MLLT3: variants seen among roughly 807,000 people sequenced by gnomAD.
MLLT3 encodes the protein MLLT3 super elongation complex subunit, also known as protein AF-9.
A neutral mutation model predicts 53.2 loss-of-function variants in MLLT3; 4 were observed. The observed-to-expected ratio is 0.08, with a 90% CI of 0.04 to 0.17. MLLT3 has a LOEUF of 0.17. Among genes scored for constraint, MLLT3 ranks in the 10% least tolerant of loss-of-function variants. The probability of loss-of-function intolerance (pLI) is 1.00; values close to 1 mark genes in which losing one functional copy is unlikely to be tolerated. For synonymous variants in MLLT3, 283 were observed against 230.6 expected (o/e 1.23, Z -2.06); for missense variants, 569 against 684.0 (o/e 0.83, Z 1.87).
Position 20,448,069 on chromosome 9 carries a change from T to G in MLLT3, c.420+54A>C, listed in dbSNP as rs149053082. ...AGGAACTAGTTTGTTTGTTTTTTTT[T>G]TTGTTGTTGTTGTTTTTTAATAGGA... On this transcript the variant is annotated intron_variant, in intron 4 of 10. Coordinates refer to ENST00000380338, the MANE Select transcript of MLLT3 (RefSeq NM_004529.4). This position sits in a 1 kb window ranked among gnomAD's most constrained non-coding sequence, Gnocchi z 4.0. 5.3e-3 allele frequency: 8,213 copies of G among 1,556,342 alleles called. 47 individuals carry two copies. The highest frequency in any genetic ancestry group is 0.026 in the East Asian group (1,145 of 44,406).
chr9:20,413,945 T>A lies in MLLT3; in HGVS notation c.901A>T (p.Ser301Cys). 1 of 1,613,768 alleles carries A rather than the reference T, an allele frequency of 6.2e-7. No individual in the cohort carries two copies. ...EELSAKKRKK[S>C]SSEALFKSFS... ...CTTTTAAATAAAGCCTCTGAGCTAC[T>A]CTTTTTCCTTTTTTTGGCTGAGAGT... Residue 301 changes from serine to cysteine, a missense_variant, in exon 5 of 11, where the codon AGT becomes TGT. This residue lies in a region of MLLT3 where 437 missense variants were observed against 376.5 expected (regional missense o/e 1.16). Transcript: ENST00000380338.
At chr9:20,480,723 C>A (rs960408847) in intron 2 of MLLT3, among the ~76,000 whole-genome samples, 6 of 152,186 alleles carry the variant, frequency 3.9e-5, no homozygotes, top group Non-Finnish European at 7.4e-5. Context: ...AATGCACTGA[C>A]TCACCGAACA....
intron 4 of MLLT3, among the ~76,000 whole-genome samples, chr9:20,422,771 C>G (rs1419088554): frequency 6.6e-6 from 1 of 152,098 alleles, no homozygotes; most frequent in Non-Finnish European, 1.5e-5. Flanking sequence ...CACCTGAAAA[C>G]TTTAAAGAGG....
intron 2 of MLLT3, among the ~76,000 whole-genome samples, chr9:20,508,269 C>T (rs1447249971): frequency 6.6e-6 from 1 of 152,216 alleles, no homozygotes; most frequent in African/African-American, 2.4e-5. Flanking sequence ...TCTCACCCCA[C>T]ATTCCGCCCT....
chr9:20,546,980 C>A (rs1374082781), intron 2 of MLLT3, among the ~76,000 whole-genome samples: 1 of 152,174 alleles, frequency 6.6e-6, no homozygotes, highest in Non-Finnish European at 1.5e-5. Context: ...CTGGATTCTT[C>A]CCCGTATATA....
At chr9:20,470,754 A>C (rs1380332737) in intron 2 of MLLT3, among the ~76,000 whole-genome samples, 1 of 151,946 alleles carries the variant, frequency 6.6e-6, no homozygotes, top group African/African-American at 2.4e-5. Flanking sequence ...AGGGAGTAAT[A>C]AACTGAACAA....
intron 5 of MLLT3, among the ~76,000 whole-genome samples, chr9:20,373,926 T>C (rs1821685283): frequency 6.8e-6 from 1 of 147,370 alleles, no homozygotes; most frequent in Admixed American, 6.8e-5. Context: ...TCTCACAGTT[T>C]TGGTCCTTCT....
intron 2 of MLLT3, among the ~76,000 whole-genome samples, chr9:20,481,862 A>G (rs1178987057): frequency 1.3e-5 from 2 of 152,214 alleles, no homozygotes; most frequent in Non-Finnish European, 2.9e-5. Flanking sequence ...CTAGAAGAGG[A>G]ATACCTTACT....
At chr9:20,441,700 C>A (rs1823559862) in intron 4 of MLLT3, among the ~76,000 whole-genome samples, 1 of 152,018 alleles carries the variant, frequency 6.6e-6, no homozygotes, top group South Asian at 2.1e-4. Flanking sequence ...TTATATATAT[C>A]AGAAAATAAT....
intron 3 of MLLT3, among the ~76,000 whole-genome samples, chr9:20,453,156 T>A (rs1823877565): frequency 6.6e-6 from 1 of 152,196 alleles, no homozygotes; most frequent in Admixed American, 6.5e-5. Flanking sequence ...AATTCCTTTT[T>A]TAATTAAGAA....
intron 2 of MLLT3, among the ~76,000 whole-genome samples, chr9:20,492,045 T>C (rs1220481469): frequency 6.6e-6 from 1 of 152,116 alleles, no homozygotes; most frequent in Non-Finnish European, 1.5e-5. Flanking sequence ...ATAAAACATT[T>C]ATTAACCTAT....
chr9:20,467,503 G>A (rs1005783252), intron 2 of MLLT3, among the ~76,000 whole-genome samples: 3 of 152,160 alleles, frequency 2.0e-5, no homozygotes, highest in South Asian at 2.1e-4. Flanking sequence ...GCTTGAACTC[G>A]GGAGGCGGAG....
intron 2 of MLLT3, among the ~76,000 whole-genome samples, chr9:20,570,163 C>G (rs1819494076): frequency 6.6e-6 from 1 of 151,938 alleles, no homozygotes; most frequent in Non-Finnish European, 1.5e-5. Flanking sequence ...AATTCTAGAC[C>G]TTGGCTTTGA....
chr9:20,596,107 G>A (rs947711553), intron 2 of MLLT3, among the ~76,000 whole-genome samples: 14 of 152,182 alleles, frequency 9.2e-5, no homozygotes, highest in African/African-American at 3.1e-4. Flanking sequence ...AGGCTTAAGG[G>A]AAAACTTGAA....
chr9:20,363,434 T>G, intron 7 of MLLT3, 42 bp downstream of exon 7: 1 of 1,609,696 alleles, frequency 6.2e-7, no homozygotes, highest in African/African-American at 1.3e-5. Context: ...TGAAAGAGTC[T>G]GACTTCATCA....
intron 2 of MLLT3, among the ~76,000 whole-genome samples, chr9:20,586,907 T>A (rs1443752119): frequency 6.6e-6 from 1 of 152,074 alleles, no homozygotes; most frequent in Non-Finnish European, 1.5e-5. Flanking sequence ...CATCCTTTAT[T>A]TTGTTTTTTT....
At chr9:20,361,344 C>G (rs1372517756) in intron 7 of MLLT3, among the ~76,000 whole-genome samples, 1 of 152,176 alleles carries the variant, frequency 6.6e-6, no homozygotes, top group African/African-American at 2.4e-5. Flanking sequence ...AAGTTACAAA[C>G]ATGTCTAGAA....
At chr9:20,410,795 T>C (rs1330479684) in intron 5 of MLLT3, 2 of 152,194 alleles carry the variant, frequency 1.3e-5, no homozygotes, top group African/African-American at 4.8e-5. Flanking sequence ...ATGTTCATCT[T>C]TTTAAACTAT....
intron 5 of MLLT3, among the ~76,000 whole-genome samples, chr9:20,405,235 C>T (rs570385743): frequency 7.9e-5 from 12 of 152,294 alleles, no homozygotes; most frequent in African/African-American, 2.9e-4. Flanking sequence ...TAAAGCAAGA[C>T]TCAATCAGCA....
Sources: gnomAD v4.1 joint callset for allele counts (sites outside exome capture counted in the v4.1 genomes callset) on GRCh38, gnomAD v4.1.1 for gene constraint, gnomAD v4.1.1 regional missense constraint, Gnocchi (gnomAD v3.1) non-coding constraint, MANE v1.5 for transcripts, NCBI Gene and HGNC (gene_info 2026-07-23, HGNC 2026-07-21) for gene names.